Variants in MORC2 observed in about 807,000 individuals in gnomAD.
MORC2 encodes the protein MORC family CW-type zinc finger 2.
MORC2 carries 30 observed loss-of-function variants against 136.0 expected under a neutral mutation model. That is an observed-to-expected ratio of 0.22 (90% CI 0.17 to 0.30). MORC2 has a LOEUF of 0.30. MORC2 is among the 10% of genes least tolerant of loss of function. MORC2 has a pLI of 1.00. For missense variants in MORC2, 922 were observed against 1,333.1 expected (o/e 0.69, Z 4.80); for synonymous variants, 439 against 487.0 (o/e 0.90, Z 1.30).
intron 20 of MORC2, 71 bp downstream of exon 20, chr22:30,933,989 G>T: frequency 6.6e-7 from 1 of 1,520,120 alleles, no homozygotes; most frequent in Non-Finnish European, 9.1e-7. Context: ...GCTGATGGGG[G>T]GTGCAGACTG....
rs1329542699 is a variant in MORC2, at chr22:30,947,383, G to A, written c.318-934C>T. Among the ~76,000 whole-genome samples, 6 of 152,222 alleles carry A rather than the reference G, an allele frequency of 3.9e-5. No individual in the cohort carries two copies. The South Asian group carries it at 6.2e-4, about 16-fold the overall frequency. On this transcript the variant is annotated intron_variant, in intron 5 of 25. Coordinates refer to ENST00000397641, the MANE Select transcript of MORC2 (RefSeq NM_001303256.3). ...AGTGTGAAGCACCAGCAGGGGGACCGCCCTCTGAACAATGGGGCTGTTCAG... is the reference window on the plus strand; with the variant it reads ...AGTGTGAAGCACCAGCAGGGGGACCACCCTCTGAACAATGGGGCTGTTCAG...
chr22:30,967,731 T>C (rs889224283), intron 1 of MORC2, 91 bp downstream of exon 1: 3 of 1,536,890 alleles, frequency 2.0e-6, no homozygotes, highest in Non-Finnish European at 2.6e-6. Context: ...TCTCAAAAAG[T>C]GAAAAAGCAA....
rs368475981 is a variant in MORC2, at chr22:30,939,667, G to T, written c.1027C>A (p.Arg343Ser). 3 of 1,614,078 alleles carry T rather than the reference G, an allele frequency of 1.9e-6. No individual in the cohort carries two copies. The East Asian group carries it at 6.7e-5, about 36-fold the overall frequency. Reference sequence around the variant, plus strand: ...CTCTTCTTGACATCGGCTTCTCTGCGCAGAGTGATGGCTCTGTTCTGGACC... The same window carrying T: ...CTCTTCTTGACATCGGCTTCTCTGCTCAGAGTGATGGCTCTGTTCTGGACC... ...RQVQNRAITLRREADVKKRIK... is the reference protein window; with the variant it reads ...RQVQNRAITLSREADVKKRIK... Residue 343 changes from arginine (R) to serine (S), a missense_variant, in exon 12 of 26, where the codon CGC (arginine) becomes AGC (serine). By Grantham distance (110) the Arg-to-Ser change is moderately radical. This residue lies in a region of MORC2 where 261 missense variants were observed against 354.3 expected (regional missense o/e 0.74). Coordinates refer to ENST00000397641, the MANE Select transcript of MORC2 (RefSeq NM_001303256.3).
In MORC2 at chr22:30,953,936, T is replaced by C. The variant is rs117725851; in HGVS notation, c.157+2827A>G. 3.3e-3 allele frequency among the ~76,000 whole-genome samples: 510 copies of C among 152,288 alleles called. 2 individuals are homozygous for C. Among genetic ancestry groups the C allele is most frequent in the Non-Finnish European group, 6.0e-3 (407 of 68,022 alleles). ...TGTTTGGAAAGATTTCCAAGTCCAG[T>C]TATCAATCAGTTTCAGAAGTGGAGA... On this transcript the variant is annotated intron_variant, in intron 3 of 25. Transcript: ENST00000397641.
intron 24 of MORC2, among the ~76,000 whole-genome samples, chr22:30,929,140 A>C (rs1264779304): frequency 1.3e-5 from 2 of 152,226 alleles, no homozygotes; most frequent in Non-Finnish European, 2.9e-5. Flanking sequence ...ATAGCAAGAG[A>C]AACTTCTAGT....
intron 2 of MORC2, among the ~76,000 whole-genome samples, chr22:30,957,648 T>C (rs2040986198): frequency 6.6e-6 from 1 of 152,216 alleles, no homozygotes; most frequent in African/African-American, 2.4e-5. Flanking sequence ...CCGCACATCA[T>C]GGTCTCACTA....
chr22:30,934,639 G>A lies in MORC2; in HGVS notation c.2193+142C>T. 8.1e-7 allele frequency: 1 copy of A among 1,233,326 alleles called. No homozygotes were observed. The highest frequency in any genetic ancestry group is 1.1e-6 in the Non-Finnish European group (1 of 886,586). The allele number at this position is 1,233,326 out of a possible 1,614,324, so 76.4% of individuals were successfully genotyped here. A position where few individuals can be genotyped will look rare whatever the true frequency, so the allele number is the denominator to read the frequency against. ...CCCAACAAGTCCGTTCAGCTATCAAGGCTTCCCGTCCTCAGGGGCAGCAGC... is the reference window on the plus strand; with the variant it reads ...CCCAACAAGTCCGTTCAGCTATCAAAGCTTCCCGTCCTCAGGGGCAGCAGC... On this transcript the variant is annotated intron_variant, in intron 19 of 25. Coordinates refer to ENST00000397641, the MANE Select transcript of MORC2 (RefSeq NM_001303256.3). This position sits in a 1 kb window ranked among gnomAD's most constrained non-coding sequence, Gnocchi z 4.4.
intron 11 of MORC2, 79 bp from the exon 12 acceptor site, chr22:30,939,785 A>G (rs2040713748): frequency 7.1e-7 from 1 of 1,409,220 alleles, no homozygotes; most frequent in African/African-American, 1.4e-5. Flanking sequence ...CATCTAAGAC[A>G]TCTCAATTTA....
Position 30,932,768 on chromosome 22 carries a change from C to A in MORC2, c.2524G>T (p.Val842Leu), listed in dbSNP as rs954359222. Residue 842 changes from valine to leucine, a missense_variant and splice_region_variant, in exon 23 of 26, where the codon GTG becomes TTG. Val to Leu is a conservative substitution (Grantham distance 32). Around this residue, in one of 9 missense-constraint regions of MORC2, gnomAD observed 263 missense variants for 388.3 expected, o/e 0.68. Coordinates refer to ENST00000397641, the MANE Select transcript of MORC2 (RefSeq NM_001303256.3). This position sits in a 1 kb window ranked among gnomAD's most constrained non-coding sequence, Gnocchi z 4.4. Reference sequence around the variant, plus strand: ...CGCACATCCTCACTGCCTTTCTCCACCCTGTGGAAGACACACAGCTTATGT... The same window carrying A: ...CGCACATCCTCACTGCCTTTCTCCAACCTGTGGAAGACACACAGCTTATGT... ...PTDTTPRDRW[V>L]EKGSEDVRLM... The A allele has an allele frequency of 1.9e-6, 3 of 1,614,044 alleles. No homozygotes were observed. The highest frequency in any genetic ancestry group is 2.7e-5 in the African/African-American group (2 of 74,932).
At chr22:30,947,483 T>A (rs1389598403) in intron 5 of MORC2, among the ~76,000 whole-genome samples, 1 of 152,328 alleles carries the variant, frequency 6.6e-6, no homozygotes, top group East Asian at 1.9e-4. Context: ...AGGGAGATGA[T>A]GGAGGTGGAA....
intron 1 of MORC2, among the ~76,000 whole-genome samples, chr22:30,966,678 T>G (rs952192699): frequency 6.6e-6 from 1 of 152,068 alleles, no homozygotes. Context: ...CTTGGGAAGC[T>G]GAGGCAGGAG....
intron 2 of MORC2, among the ~76,000 whole-genome samples, chr22:30,957,541 A>G (rs2040983969): frequency 6.6e-6 from 1 of 152,270 alleles, no homozygotes; most frequent in Non-Finnish European, 1.5e-5. Context: ...ACATTTTCAA[A>G]TATGAGAGAT....
Position 30,928,467 on chromosome 22 carries a change from C to T in MORC2, c.2842-260G>A, listed in dbSNP as rs140813504. ...CACAGTGCTCTGGCAGACAGCAGGC[C>T]GTGAGGACGCGTGAGGGGCGATTCT... On this transcript the variant is annotated intron_variant, in intron 24 of 25. Transcript: ENST00000397641. Among the ~76,000 whole-genome samples, 1,345 of 152,254 alleles carry T rather than the reference C, an allele frequency of 8.8e-3. 7 individuals are homozygous for T. The highest frequency in any genetic ancestry group is 0.018 in the Admixed American group (277 of 15,298).
Position 30,934,067 on chromosome 22 carries a change from G to C in MORC2, c.2318C>G (p.Ser773Trp). Residue 773 changes from serine to tryptophan, a missense_variant, in exon 20 of 26, where the codon TCG (serine) becomes TGG (tryptophan). Coordinates refer to ENST00000397641, the MANE Select transcript of MORC2 (RefSeq NM_001303256.3). The surrounding 1 kb of genome is among the most constrained non-coding windows in gnomAD (Gnocchi z 4.4). ...CTCACCTCAACCACTCACCTCATTC[G>C]AGTCCTTCTTTTCCTCCTTCACAAC... ...RFVVKEEKKD[S>W]NELSDSAGEE... is the part of the protein sequence containing the mutation. 1.2e-6 allele frequency: 2 copies of C among 1,614,052 alleles called. No individual in the cohort carries two copies. The highest frequency in any genetic ancestry group is 8.5e-7 in the Non-Finnish European group (1 of 1,180,002).
chr22:30,950,153 C>T (rs1213303358), intron 4 of MORC2, among the ~76,000 whole-genome samples: 1 of 152,158 alleles, frequency 6.6e-6, no homozygotes, highest in East Asian at 1.9e-4. Flanking sequence ...ATCTGATTGA[C>T]TTAAGATTGC....
Position 30,932,650 on chromosome 22 carries a change from A to G in MORC2, c.2642T>C (p.Ile881Thr), listed in dbSNP as rs761366027. 9 of 1,614,142 alleles carry G rather than the reference A, an allele frequency of 5.6e-6. No individual in the cohort carries two copies. Among genetic ancestry groups the G allele is most frequent in the Non-Finnish European group, 7.6e-6 (9 of 1,180,018 alleles). ...GGAAGTGGAGGGCTCTGCGACAGCT[A>G]TGGCCTGCTGGGCCACAGGGCCCAC... The part of the protein sequence containing the change: ...EEVGPVAQQA[I>T]AVAEPSTSEC... Residue 881 changes from isoleucine to threonine, a missense_variant, in exon 23 of 26, where the codon ATA (isoleucine) becomes ACA (threonine). Coordinates refer to ENST00000397641, the MANE Select transcript of MORC2 (RefSeq NM_001303256.3). This position sits in a 1 kb window ranked among gnomAD's most constrained non-coding sequence, Gnocchi z 4.4.
At chr22:30,940,449 C>T (rs936127775) in intron 10 of MORC2, among the ~76,000 whole-genome samples, 1 of 152,134 alleles carries the variant, frequency 6.6e-6, no homozygotes, top group Admixed American at 6.5e-5. Flanking sequence ...GCCCTGAAGT[C>T]AGGAAAAGCA....
rs536560819 is a variant in MORC2 at position 30,962,015 on chromosome 22, T to C, written c.69-3321A>G. 9.3e-4 allele frequency among the ~76,000 whole-genome samples: 141 copies of C among 151,882 alleles called. No individual in the cohort carries two copies. The Middle Eastern group carries it at 0.014, about 15-fold the overall frequency. Reference sequence around the variant, plus strand: ...GTTTGAGACCAGCCTGGCCAACATGTTGAAACCCTGACTCTACTAAAAATA... The same window carrying C: ...GTTTGAGACCAGCCTGGCCAACATGCTGAAACCCTGACTCTACTAAAAATA... On this transcript the variant is annotated intron_variant, in intron 1 of 25. Transcript: ENST00000397641.
Position 30,941,549 on chromosome 22 carries a change from C to T in MORC2, c.708G>A (p.Glu236=). The change falls in exon 9 of 26, where the codon GAG becomes GAA. Residue 236 remains glutamate, a synonymous_variant. Transcript: ENST00000397641. The surrounding 1 kb of genome is among the most constrained non-coding windows in gnomAD (Gnocchi z 4.6). ...CGGCATAGGCACGGAACGAGCGCCG[C>T]TCTGGCTTCCTGGAGAGGGCAAAAA... ...AETSPEGTKP[E]RRSFRAYAAV... is the part of the protein sequence containing the mutation. The T allele has an allele frequency of 2.5e-6, 4 of 1,613,180 alleles. No homozygotes were observed. Among genetic ancestry groups the T allele is most frequent in the Non-Finnish European group, 3.4e-6 (4 of 1,179,310 alleles).
Sources: allele counts gnomAD v4.1 joint callset (sites outside exome capture counted in the v4.1 genomes callset), GRCh38; gene constraint gnomAD v4.1.1; regional missense constraint gnomAD v4.1.1; non-coding constraint Gnocchi (gnomAD v3.1); transcripts MANE v1.5; gene names NCBI Gene and HGNC (gene_info 2026-07-23, HGNC 2026-07-21).